PCDH11X: variants seen among roughly 807,000 people sequenced by gnomAD.
PCDH11X encodes the protein protocadherin 11 X-linked, also known as protocadherin-11 X-linked.
A neutral mutation model predicts 53.3 loss-of-function variants in PCDH11X; 18 were observed. The ratio of observed to expected loss-of-function variants is 0.34; its 90% CI spans 0.23 to 0.50. PCDH11X has a LOEUF of 0.50. PCDH11X is among the 20% of genes least tolerant of loss of function. The probability of loss-of-function intolerance (pLI) is 0.98; values close to 1 mark genes in which losing one functional copy is unlikely to be tolerated. For synonymous variants in PCDH11X, 279 were observed against 393.3 expected (o/e 0.71, Z 3.44); for missense variants, 570 against 1,032.4 (o/e 0.55, Z 6.14).
chrX:92,351,117 A>G (rs751624779), intron 8 of PCDH11X, among the ~76,000 whole-genome samples: 144 of 112,109 alleles, frequency 1.3e-3, no homozygotes, highest in African/African-American at 4.4e-3. Context: ...TCACGGGTCA[A>G]TTGTTCTTCA....
At chrX:92,312,484 G>T (rs1240310685) in intron 8 of PCDH11X, among the ~76,000 whole-genome samples, 3 of 110,446 alleles carry the variant, frequency 2.7e-5, no homozygotes, top group East Asian at 2.8e-4. Flanking sequence ...TAAAGTAAGA[G>T]ATTGGTTCCC....
chrX:92,403,492 G>A (rs954929283), intron 9 of PCDH11X, among the ~76,000 whole-genome samples: 6 of 109,172 alleles, frequency 5.5e-5, no homozygotes, highest in Non-Finnish European at 1.1e-4. Flanking sequence ...AAAAGAGAAA[G>A]ATTGCTTTTC....
chrX:91,976,794 TA>T (rs777854244), intron 6 of PCDH11X, among the ~76,000 whole-genome samples: 135 of 112,038 alleles, frequency 1.2e-3, no homozygotes, highest in African/African-American at 4.2e-3. Context: ...GAAATGCACT[TA>T]AATTGTGTGT....
At chrX:92,210,676 G>C (rs1308248068) in intron 7 of PCDH11X, among the ~76,000 whole-genome samples, 1 of 111,727 alleles carries the variant, frequency 9.0e-6, no homozygotes, top group East Asian at 2.8e-4. Flanking sequence ...TAGGCTCTTA[G>C]AAGCAGCCTG....
rs1250947594 is a variant in PCDH11X at position 92,341,077 on chromosome X, C to G, written c.3145-46658C>G. On this transcript the variant is annotated intron_variant, in intron 8 of 10. Transcript: ENST00000682573. ...ATATCATCATTCTCAAGTTCAAACT[C>G]CCACAGAACCGTAGGTCATGAATAC... 2.7e-5 allele frequency among the ~76,000 whole-genome samples: 3 copies of G among 111,490 alleles called. No individual in the cohort carries two copies. In the East Asian group the frequency reaches 8.6e-4, roughly 32 times the overall value.
chrX:92,432,287 A>G (rs1263521121), intron 9 of PCDH11X, among the ~76,000 whole-genome samples: 7 of 110,873 alleles, frequency 6.3e-5, no homozygotes, highest in African/African-American at 2.3e-4. Flanking sequence ...GTAGCTTTCA[A>G]CAGAAATACC....
At chrX:92,043,368 T>C (rs1602743081) in intron 6 of PCDH11X, among the ~76,000 whole-genome samples, 1 of 109,212 alleles carries the variant, frequency 9.2e-6, no homozygotes, top group South Asian at 4.0e-4. Context: ...ATTTAATCTA[T>C]GCATAACTGA....
At chrX:92,220,584 C>G in intron 7 of PCDH11X, among the ~76,000 whole-genome samples, 1 of 110,477 alleles carries the variant, frequency 9.1e-6, no homozygotes, top group Non-Finnish European at 1.9e-5. Flanking sequence ...AATAGGAACA[C>G]TTTTACACTG....
rs1488261649 is a variant in PCDH11X, at chrX:91,998,938, A to G, written c.3033+119665A>G. ...TATTTTATTTTATTTTTTTTGAGAC[A>G]GTCTCTCACTCATCTCCTAGGCTGT... On this transcript the variant is annotated intron_variant, in intron 6 of 10. Transcript: ENST00000682573. Among the ~76,000 whole-genome samples, 6 of 105,785 alleles carry G rather than the reference A, an allele frequency of 5.7e-5. No individual in the cohort carries two copies. The East Asian group carries it at 1.7e-3, about 31-fold the overall frequency. 91.9% of individuals were successfully genotyped at this position (105,785 alleles called of 115,157 possible).
At chrX:92,042,531 T>A (rs2063224017) in intron 6 of PCDH11X, among the ~76,000 whole-genome samples, 1 of 106,049 alleles carries the variant, frequency 9.4e-6, no homozygotes, top group African/African-American at 3.5e-5. Context: ...ATACATTAAT[T>A]TTCTCTCAAT....
intron 7 of PCDH11X, among the ~76,000 whole-genome samples, chrX:92,224,792 A>C (rs2066940263): frequency 8.9e-6 from 1 of 112,320 alleles, no homozygotes; most frequent in Non-Finnish European, 1.9e-5. Context: ...AAAAGGAAAT[A>C]ATTGCAAGAA....
At chrX:92,328,859 G>C (rs951107374) in intron 8 of PCDH11X, among the ~76,000 whole-genome samples, 1 of 109,608 alleles carries the variant, frequency 9.1e-6, no homozygotes, top group African/African-American at 3.3e-5. Flanking sequence ...AATATTTAAG[G>C]ACTAAATAAC....
At chrX:92,269,326 T>C (rs1310207828) in intron 8 of PCDH11X, among the ~76,000 whole-genome samples, 1 of 111,926 alleles carries the variant, frequency 8.9e-6, no homozygotes, top group Non-Finnish European at 1.9e-5. Flanking sequence ...GGTAGAAAAA[T>C]TAAAAAATCA....
chrX:92,403,711 T>C (rs1315118485), intron 9 of PCDH11X, among the ~76,000 whole-genome samples: 6 of 111,225 alleles, frequency 5.4e-5, no homozygotes, highest in African/African-American at 6.5e-5. Context: ...TCACTGCAAA[T>C]GTGTTTTTTC....
At chrX:92,549,088 G>A (rs2074911030) in intron 10 of PCDH11X, among the ~76,000 whole-genome samples, 1 of 85,843 alleles carries the variant, frequency 1.2e-5, no homozygotes, top group African/African-American at 4.0e-5. Flanking sequence ...TTCTCACAAG[G>A]CACATTATGC....
At chrX:92,036,517 C>T (rs1467486882) in intron 6 of PCDH11X, among the ~76,000 whole-genome samples, 1 of 108,902 alleles carries the variant, frequency 9.2e-6, no homozygotes, top group African/African-American at 3.4e-5. Context: ...TGTCTGCTGC[C>T]ATGTGAGATA....
intron 6 of PCDH11X, among the ~76,000 whole-genome samples, chrX:91,909,733 C>G (rs1941309981): frequency 9.2e-6 from 1 of 108,873 alleles, no homozygotes; most frequent in Admixed American, 1.0e-4. Flanking sequence ...TTTATTTTGT[C>G]TGTAAACGTG....
At chrX:92,307,817 A>G (rs971680103) in intron 8 of PCDH11X, among the ~76,000 whole-genome samples, 1 of 105,859 alleles carries the variant, frequency 9.4e-6, no homozygotes, top group Non-Finnish European at 1.9e-5. Context: ...TTACAAGTAA[A>G]GTTGGAGGAC....
intron 6 of PCDH11X, among the ~76,000 whole-genome samples, chrX:92,040,545 C>T (rs2063194570): frequency 8.9e-6 from 1 of 111,753 alleles, no homozygotes; most frequent in Non-Finnish European, 1.9e-5. Flanking sequence ...ACAGCCACTG[C>T]CAGCGATATG....
Sources: allele counts gnomAD v4.1 joint callset (sites outside exome capture counted in the v4.1 genomes callset), GRCh38; gene constraint gnomAD v4.1.1; transcripts MANE v1.5; gene names NCBI Gene and HGNC (gene_info 2026-07-23, HGNC 2026-07-21).